The following SLC20A1 variants were observed in gnomAD, a reference collection of about 807,000 sequenced individuals.
The protein encoded by SLC20A1 is solute carrier family 20 member 1.
In SLC20A1, 28 loss-of-function variants were observed where a neutral mutation model predicts 62.7. The ratio of observed to expected loss-of-function variants is 0.45; its 90% confidence interval spans 0.33 to 0.61. The LOEUF is 0.61. Among genes scored for constraint, SLC20A1 ranks in the 20% least tolerant of loss-of-function variants. The probability of loss-of-function intolerance (pLI) is 0.02; values close to 1 mark genes in which losing one functional copy is unlikely to be tolerated. For missense variants in SLC20A1, 673 were observed against 838.6 expected, an observed-to-expected ratio of 0.80 and a Z score of 2.44; for synonymous variants, 305 against 302.9, an observed-to-expected ratio of 1.01 and a Z score of -0.07.
intron 9 of SLC20A1, chr2:112,660,862 A>G: frequency 2.4e-6 from 1 of 424,142 alleles, no homozygotes; most frequent in Non-Finnish European, 4.2e-6. Context: ...CTTGGGAGCT[A>G]AGACTCAATG....
intron 6 of SLC20A1, chr2:112,658,594 A>G (rs936959370): frequency 2.2e-6 from 1 of 459,158 alleles, no homozygotes; most frequent in African/African-American, 2.0e-5. Flanking sequence ...TAAAATATTT[A>G]CAGAAAAATT....
intron 4 of SLC20A1, among the ~76,000 whole-genome samples, chr2:112,649,930 G>C (rs1686390195): frequency 6.6e-6 from 1 of 152,178 alleles, no homozygotes; most frequent in African/African-American, 2.4e-5. Flanking sequence ...TTATTTCCAG[G>C]TGAAGTTTTA....
intron 5 of SLC20A1, among the ~76,000 whole-genome samples, chr2:112,653,793 ATTAT>A (rs1013596419): frequency 1.3e-5 from 2 of 151,690 alleles, no homozygotes; most frequent in African/African-American, 4.8e-5. Flanking sequence ...AAATATTTTT[ATTAT>A]TTATTTATTT....
At position 112,659,199 on chromosome 2, in the gene SLC20A1, A is replaced by G. The variant is rs1377821752; in HGVS notation, c.1049-5A>G. On this transcript the variant is annotated splice_polypyrimidine_tract_variant and splice_region_variant and intron_variant, in intron 7 of 10. Transcript: ENST00000272542. ...ATTGAATGTCACCTTGGTGATCTTGACTAGGTGCAGTGCAGTTGCCTAATG... is the reference window on the plus strand; with the variant it reads ...ATTGAATGTCACCTTGGTGATCTTGGCTAGGTGCAGTGCAGTTGCCTAATG... The G allele has an allele frequency of 6.8e-6, 11 of 1,609,576 alleles. No homozygotes were observed. Among genetic ancestry groups the G allele is most frequent in the Non-Finnish European group, 9.3e-6 (11 of 1,176,486 alleles).
chr2:112,648,013 G>A (rs528127269), intron 4 of SLC20A1, among the ~76,000 whole-genome samples: 8 of 152,304 alleles, frequency 5.3e-5, no homozygotes, highest in African/African-American at 1.4e-4. Flanking sequence ...TTTATTTTGC[G>A]TGGTTTTGTG....
intron 10 of SLC20A1, among the ~76,000 whole-genome samples, chr2:112,662,322 C>T (rs886721332): frequency 3.9e-5 from 6 of 152,220 alleles, no homozygotes; most frequent in Admixed American, 1.3e-4. Flanking sequence ...TGGCTCATGC[C>T]TGTAATCCCA....
chr2:112,659,186 C>T lies in SLC20A1; in HGVS notation c.1049-18C>T, dbSNP rs758377049. On this transcript the variant is annotated intron_variant, in intron 7 of 10. Transcript: ENST00000272542. Reference sequence around the variant, plus strand: ...TGATGCTTTTTGTATTGAATGTCACCTTGGTGATCTTGACTAGGTGCAGTG... The same window carrying T: ...TGATGCTTTTTGTATTGAATGTCACTTTGGTGATCTTGACTAGGTGCAGTG... 4.4e-6 allele frequency: 7 copies of T among 1,606,902 alleles called. No individual in the cohort carries two copies. Among genetic ancestry groups the T allele is most frequent in the South Asian group, 1.1e-5 (1 of 90,814 alleles).
rs1162930003 is a variant in SLC20A1 at position 112,652,698 on chromosome 2, A to T, written c.562-4A>T. The T allele has an allele frequency of 2.5e-6, 4 of 1,611,262 alleles. No individual in the cohort carries two copies. The Admixed American group carries it at 5.0e-5, about 20-fold the overall frequency. On this transcript the variant is annotated splice_region_variant and splice_polypyrimidine_tract_variant and intron_variant, in intron 4 of 10. Transcript: ENST00000272542. ...AAGATATTGATCTTAATGATGTTTT[A>T]CAGGCAGATCCAGTTCCTAATGGTT...
At chr2:112,654,623 G>A (rs1296439262) in intron 5 of SLC20A1, among the ~76,000 whole-genome samples, 1 of 152,110 alleles carries the variant, frequency 6.6e-6, no homozygotes, top group East Asian at 1.9e-4. Context: ...GGGGCCGGGC[G>A]CGGTGGCTCA....
At chr2:112,653,206 A>T (rs1332549216) in intron 5 of SLC20A1, 4 of 277,134 alleles carry the variant, frequency 1.4e-5, no homozygotes, top group African/African-American at 2.2e-5. Context: ...CCAAATGGAG[A>T]TACTATTGTT....
chr2:112,661,009 T>C, intron 9 of SLC20A1, 133 bp from the exon 10 acceptor site: 1 of 613,194 alleles, frequency 1.6e-6, no homozygotes, highest in South Asian at 2.2e-5. Context: ...TTAGGGGTTA[T>C]AGCAAATAAA....
At chr2:112,654,871 G>A (rs1185662588) in intron 5 of SLC20A1, among the ~76,000 whole-genome samples, 1 of 149,614 alleles carries the variant, frequency 6.7e-6, no homozygotes, top group African/African-American at 2.5e-5. Flanking sequence ...ACTCCAGCCT[G>A]GGCGACAGAG....
chr2:112,647,987 C>CA (rs952744942), intron 4 of SLC20A1, among the ~76,000 whole-genome samples: 7 of 151,930 alleles, frequency 4.6e-5, no homozygotes, highest in African/African-American at 1.4e-4. Context: ...AAACTGGGAG[C>CA]AAAAAAATAA....
chr2:112,662,886 G>C lies in SLC20A1; in HGVS notation c.1901G>C (p.Gly634Ala). The C allele has an allele frequency of 6.2e-7, 1 of 1,614,092 alleles. No homozygotes were observed. The highest frequency in any genetic ancestry group is 8.5e-7 in the Non-Finnish European group (1 of 1,180,002). The change falls in exon 11 of 11, where the codon GGC becomes GCC. Residue 634 changes from glycine to alanine, a missense_variant. Transcript: ENST00000272542. ...HCKVGSVVSV[G>A]WLRSKKAVDW... ...TAGGTGGGCTCTGTTGTGTCTGTTG[G>C]CTGGCTCCGGTCCAAGAAGGCTGTT...
At chr2:112,660,003 G>C (rs1686703847) in intron 8 of SLC20A1, among the ~76,000 whole-genome samples, 1 of 152,206 alleles carries the variant, frequency 6.6e-6, no homozygotes, top group South Asian at 2.1e-4. Context: ...CACAGAGAAG[G>C]CTTTTGTCCA....
At position 112,659,412 on chromosome 2, in the gene SLC20A1, T is replaced by C; in HGVS notation, c.1257T>C (p.Thr419=). The C allele has an allele frequency of 6.2e-7, 1 of 1,614,180 alleles. No homozygotes were observed. Among genetic ancestry groups the C allele is most frequent in the Non-Finnish European group, 8.5e-7 (1 of 1,180,040 alleles). ...DKPLRRNNSY[T]SYTMAICGMP... Reference sequence around the variant, plus strand: ...CCTTAAGGCGCAATAATAGCTATACTTCCTATACCATGGCAATATGTGGCA... The same window carrying C: ...CCTTAAGGCGCAATAATAGCTATACCTCCTATACCATGGCAATATGTGGCA... The change falls in exon 8 of 11, where the codon ACT becomes ACC. Residue 419 remains threonine, a synonymous_variant. Transcript: ENST00000272542.
In SLC20A1 at chr2:112,646,647, C is replaced by G. The variant is rs1686286855; in HGVS notation, c.-182C>G. ...CCTGAGCCAAAGAAACCCCAGACAA[C>G]AGATGCCCATACGCAGCGTATAGCA... On this transcript the variant is annotated 5_prime_UTR_variant, in exon 2 of 11. Coordinates refer to ENST00000272542, the MANE Select transcript of SLC20A1 (RefSeq NM_005415.5). 1.6e-5 allele frequency: 4 copies of G among 255,716 alleles called. No homozygotes were observed. Among genetic ancestry groups the G allele is most frequent in the Admixed American group, 5.3e-5 (1 of 19,034 alleles). 15.8% of individuals were successfully genotyped at this position (255,716 alleles called of 1,614,324 possible).
chr2:112,655,126 G>A (rs772592388), intron 5 of SLC20A1, among the ~76,000 whole-genome samples: 11 of 151,526 alleles, frequency 7.3e-5, no homozygotes, highest in Admixed American at 2.6e-4. Context: ...GCATCACCAC[G>A]CCCAGCTAAT....
chr2:112,662,740 G>C, intron 10 of SLC20A1, 124 bp from the exon 11 acceptor site: 2 of 907,608 alleles, frequency 2.2e-6, no homozygotes, highest in Non-Finnish European at 3.3e-6. Flanking sequence ...TTGTAAACCA[G>C]CTTTCTTGGA....
Sources: gnomAD v4.1 joint callset for allele counts (sites outside exome capture counted in the v4.1 genomes callset) on GRCh38, gnomAD v4.1.1 for gene constraint, MANE v1.5 for transcripts, NCBI Gene and HGNC (gene_info 2026-07-23, HGNC 2026-07-21) for gene names.